The following CLVS1 variants were observed in gnomAD, a reference collection of about 807,000 sequenced individuals.
CLVS1 encodes clavesin 1, also known as clavesin-1.
CLVS1 carries 10 observed loss-of-function variants against 33.1 expected under a neutral mutation model. The observed-to-expected ratio is 0.30, with a 90% confidence interval of 0.19 to 0.51. CLVS1 has a LOEUF of 0.51. Ranked by LOEUF, CLVS1 falls within the 20% of genes least tolerant of loss-of-function variation. CLVS1 has a pLI of 0.97. For synonymous variants in CLVS1, 163 were observed against 166.1 expected (o/e 0.98, Z 0.14); for missense variants, 343 against 433.4 (o/e 0.79, Z 1.85).
the CLVS1 span, among the ~76,000 whole-genome samples, chr8:61,034,641 G>C: frequency 6.6e-6 from 1 of 152,028 alleles, no homozygotes; most frequent in Non-Finnish European, 1.5e-5. Flanking sequence ...ATTCTCTCAG[G>C]ATCTTGCTTA....
At chr8:61,145,000 G>A (rs557245126) in intron 2 of CLVS1, among the ~76,000 whole-genome samples, 38 of 152,274 alleles carry the variant, frequency 2.5e-4, no homozygotes, top group African/African-American at 8.9e-4. Flanking sequence ...CAAAGTGCTG[G>A]GATTACAGGT....
At chr8:61,465,547 C>G (rs1817517387) in intron 5 of CLVS1, 2 of 152,146 alleles carry the variant, frequency 1.3e-5, no homozygotes, top group African/African-American at 4.8e-5. Flanking sequence ...CAATATTGTT[C>G]TGCTCTTTAA....
intron 2 of CLVS1, among the ~76,000 whole-genome samples, chr8:61,280,867 A>G (rs1327039551): frequency 6.6e-6 from 1 of 152,170 alleles, no homozygotes; most frequent in African/African-American, 2.4e-5. Context: ...AGCTCAAGCA[A>G]TCCACCCACC....
At chr8:61,293,472 G>C (rs1207522628) in intron 1 of CLVS1, among the ~76,000 whole-genome samples, 1 of 152,118 alleles carries the variant, frequency 6.6e-6, no homozygotes, top group African/African-American at 2.4e-5. Context: ...ACCAGCCTCT[G>C]AGATTTAAAT....
chr8:61,408,059 G>A (rs899782856), intron 3 of CLVS1, among the ~76,000 whole-genome samples: 4 of 152,130 alleles, frequency 2.6e-5, no homozygotes, highest in East Asian at 3.8e-4. Context: ...GTCAGACACC[G>A]GTCCAGGCAC....
intron 1 of CLVS1, among the ~76,000 whole-genome samples, chr8:61,080,323 T>C (rs1257416597): frequency 5.9e-5 from 9 of 152,344 alleles, no homozygotes; most frequent in Middle Eastern, 3.4e-3. Context: ...CATGAGGTGA[T>C]ACAAACTTTG....
intron 2 of CLVS1, among the ~76,000 whole-genome samples, chr8:61,270,600 T>C (rs1809416573): frequency 6.6e-6 from 1 of 152,220 alleles, no homozygotes; most frequent in African/African-American, 2.4e-5. Context: ...TACCAGTTTC[T>C]CCTTGTACCT....
intron 2 of CLVS1, among the ~76,000 whole-genome samples, chr8:61,276,831 G>A (rs1159572410): frequency 6.6e-6 from 1 of 152,138 alleles, no homozygotes; most frequent in Non-Finnish European, 1.5e-5. Context: ...GAACTGGGAG[G>A]GTCAGGGAGG....
chr8:61,061,339 G>T lies in CLVS1; in HGVS notation c.-243+4109G>T, dbSNP rs759491568. On this transcript the variant is annotated intron_variant, in intron 1 of 2. Coordinates refer to the CLVS1 transcript ENST00000522621. ...GCTCTTTCTTTTTCTTGCTGTTCCA[G>T]ATCAGATAACATTGCCTGATTAGTT... Among the ~76,000 whole-genome samples the T allele has an allele frequency of 2.0e-5, 3 of 152,238 alleles. No individual in the cohort carries two copies. In the East Asian group the frequency reaches 5.8e-4, roughly 29 times the overall value.
intron 5 of CLVS1, among the ~76,000 whole-genome samples, chr8:61,462,936 C>T (rs537006426): frequency 1.3e-5 from 2 of 152,288 alleles, no homozygotes; most frequent in East Asian, 1.9e-4. Context: ...ACTCTCCTCT[C>T]TAGTTATGAA....
At chr8:61,283,247 T>C (rs1010006881), upstream of CLVS1, among the ~76,000 whole-genome samples, 16 of 152,246 alleles carry the variant, frequency 1.1e-4, no homozygotes, top group African/African-American at 3.9e-4. Context: ...TTTGGTTCAC[T>C]GTAGACATTC....
At chr8:61,049,899 T>C in the CLVS1 span, among the ~76,000 whole-genome samples, 3 of 152,268 alleles carry the variant, frequency 2.0e-5, no homozygotes, top group Non-Finnish European at 2.9e-5. Flanking sequence ...AGTTCTAAGC[T>C]GCAACAATGG....
intron 5 of CLVS1, among the ~76,000 whole-genome samples, chr8:61,480,268 A>C (rs894311076): frequency 5.3e-5 from 8 of 152,076 alleles, no homozygotes; most frequent in Admixed American, 4.6e-4. Context: ...TTACCTACTC[A>C]AGCCTTGTTA....
the CLVS1 span, among the ~76,000 whole-genome samples, chr8:61,001,564 T>C: frequency 6.6e-6 from 1 of 152,376 alleles, no homozygotes; most frequent in African/African-American, 2.4e-5. Flanking sequence ...AATATTAGTC[T>C]TTAGAGCTGA....
chr8:61,053,559 G>A (rs1297469189), upstream of CLVS1, among the ~76,000 whole-genome samples: 1 of 152,204 alleles, frequency 6.6e-6, no homozygotes, highest in Non-Finnish European at 1.5e-5. Flanking sequence ...TTATTGGACT[G>A]AGGATCCTGG....
chr8:61,268,514 T>C (rs1178644355), intron 2 of CLVS1, among the ~76,000 whole-genome samples: 1 of 150,424 alleles, frequency 6.6e-6, no homozygotes, highest in Non-Finnish European at 1.5e-5. Flanking sequence ...TGATTTATAG[T>C]CCTTTGGGTA....
chr8:61,434,619 A>G (rs1179230640), intron 3 of CLVS1, among the ~76,000 whole-genome samples: 1 of 152,210 alleles, frequency 6.6e-6, no homozygotes, highest in Non-Finnish European at 1.5e-5. Flanking sequence ...CCAGGCTATA[A>G]ATAAATTTGA....
chr8:61,033,508 G>A, the CLVS1 span, among the ~76,000 whole-genome samples: 4 of 152,176 alleles, frequency 2.6e-5, no homozygotes, highest in African/African-American at 7.2e-5. Context: ...CCCCTCACAC[G>A]GAATCTCTTA....
At chr8:61,355,223 A>G (rs1585848858) in intron 2 of CLVS1, among the ~76,000 whole-genome samples, 1 of 152,132 alleles carries the variant, frequency 6.6e-6, no homozygotes, top group Non-Finnish European at 1.5e-5. Context: ...ACAATCTTCC[A>G]GAAATATTTA....
Sources: gnomAD v4.1 joint callset for allele counts (sites outside exome capture counted in the v4.1 genomes callset) on GRCh38, gnomAD v4.1.1 for gene constraint, MANE v1.5 for transcripts, NCBI Gene and HGNC (gene_info 2026-07-23, HGNC 2026-07-21) for gene names.